Variants in STARD13 observed in about 807,000 individuals in gnomAD.
STARD13 encodes StAR related lipid transfer domain containing 13, also known as stAR-related lipid transfer protein 13.
STARD13 carries 62 observed loss-of-function variants against 106.4 expected under a neutral mutation model. The observed-to-expected ratio is 0.58, with a 90% CI of 0.48 to 0.72. The LOEUF is 0.72. Ranked by LOEUF, STARD13 falls within the 30% of genes least tolerant of loss-of-function variation. The pLI is 0.00. For missense variants in STARD13, 1,387 were observed against 1,424.0 expected, an observed-to-expected ratio of 0.97 and a Z score of 0.42; for synonymous variants, 565 against 553.0, an observed-to-expected ratio of 1.02 and a Z score of -0.31.
the STARD13 span, among the ~76,000 whole-genome samples, chr13:33,440,048 G>C: frequency 6.6e-6 from 1 of 152,160 alleles, no homozygotes; most frequent in Admixed American, 6.5e-5. Context: ...GCCTAGGTGG[G>C]AGTTCCAGGC....
At chr13:33,529,712 T>C in the STARD13 span, among the ~76,000 whole-genome samples, 1 of 152,170 alleles carries the variant, frequency 6.6e-6, no homozygotes, top group African/African-American at 2.4e-5. Context: ...GAAAAGGAAG[T>C]GTTCATAGAG....
In STARD13 at chr13:33,112,332, C is replaced by A. The variant is rs189545383; in HGVS notation, c.2492+389G>T. Among the ~76,000 whole-genome samples the A allele has an allele frequency of 3.3e-5, 5 of 152,210 alleles. No individual in the cohort carries two copies. In the South Asian group the frequency reaches 8.3e-4, roughly 25 times the overall value. ...TCAATAATTCTATGAATCTGAGCCC[C>A]GTGAATTAGGGTGTCTCACAAGATT... On this transcript the variant is annotated intron_variant, in intron 9 of 13. Coordinates refer to ENST00000336934, the MANE Select transcript of STARD13 (RefSeq NM_178006.4).
the STARD13 span, among the ~76,000 whole-genome samples, chr13:33,567,459 T>G: frequency 6.7e-6 from 1 of 148,334 alleles, no homozygotes; most frequent in African/African-American, 2.5e-5. Context: ...ATTTAGATCA[T>G]GTACAGTGAA....
chr13:33,604,050 T>A, the STARD13 span, among the ~76,000 whole-genome samples: 1 of 152,082 alleles, frequency 6.6e-6, no homozygotes, highest in Non-Finnish European at 1.5e-5. Context: ...CCAAGTAAAA[T>A]TTTGAGAAAT....
the STARD13 span, among the ~76,000 whole-genome samples, chr13:33,635,059 A>G: frequency 6.6e-6 from 1 of 152,194 alleles, no homozygotes; most frequent in Non-Finnish European, 1.5e-5. Context: ...TTTAAACCAT[A>G]TGTTAAAGAA....
chr13:33,137,027 A>T (rs1336580053), intron 4 of STARD13, among the ~76,000 whole-genome samples: 2 of 152,214 alleles, frequency 1.3e-5, no homozygotes, highest in African/African-American at 4.8e-5. Context: ...AAAATCCTGC[A>T]TCATTATTTC....
At chr13:33,509,647 T>C in the STARD13 span, among the ~76,000 whole-genome samples, 979 of 152,272 alleles carry the variant, frequency 6.4e-3, 8 homozygotes, top group African/African-American at 0.021. Context: ...ACCAGGCTGA[T>C]GGGCCATGAC....
intron 3 of STARD13, among the ~76,000 whole-genome samples, chr13:33,144,327 C>G (rs1221593353): frequency 3.3e-5 from 5 of 152,122 alleles, no homozygotes; most frequent in Non-Finnish European, 5.9e-5. Context: ...AATCTACATT[C>G]GTTGATCACC....
At chr13:33,490,676 A>G in the STARD13 span, among the ~76,000 whole-genome samples, 4 of 152,146 alleles carry the variant, frequency 2.6e-5, no homozygotes, top group Admixed American at 2.0e-4. Flanking sequence ...CTACCACTCA[A>G]TAAAACCTCA....
the STARD13 span, among the ~76,000 whole-genome samples, chr13:33,577,576 A>G: frequency 3.9e-5 from 6 of 152,186 alleles, no homozygotes; most frequent in African/African-American, 1.4e-4. Context: ...ACCCACACAT[A>G]TATAGTCAAC....
the STARD13 span, among the ~76,000 whole-genome samples, chr13:33,573,546 C>T: frequency 6.6e-6 from 1 of 152,066 alleles, no homozygotes; most frequent in Non-Finnish European, 1.5e-5. Flanking sequence ...CTTGGGTGTA[C>T]AAAAACACCT....
At chr13:33,388,856 G>T in the STARD13 span, among the ~76,000 whole-genome samples, 2 of 152,048 alleles carry the variant, frequency 1.3e-5, no homozygotes, top group Non-Finnish European at 2.9e-5. Flanking sequence ...TGTTGCTGCC[G>T]GTGCCTTGTG....
chr13:33,503,074 A>G, the STARD13 span, among the ~76,000 whole-genome samples: 1 of 152,194 alleles, frequency 6.6e-6, no homozygotes, highest in South Asian at 2.1e-4. Flanking sequence ...TTATTGGTCT[A>G]TTCAGGGATT....
the STARD13 span, among the ~76,000 whole-genome samples, chr13:33,565,867 T>G: frequency 2.0e-5 from 3 of 148,610 alleles, no homozygotes; most frequent in African/African-American, 7.4e-5. Flanking sequence ...TCACCTTCTT[T>G]GGAAAGCTTT....
intron 1 of STARD13, among the ~76,000 whole-genome samples, chr13:33,262,708 C>T (rs1890712719): frequency 7.0e-6 from 1 of 141,996 alleles, no homozygotes; most frequent in African/African-American, 2.6e-5. Flanking sequence ...TCTAGTTTTT[C>T]AGTTGTTATT....
the STARD13 span, among the ~76,000 whole-genome samples, chr13:33,403,756 G>A: frequency 6.6e-6 from 1 of 152,262 alleles, no homozygotes; most frequent in Middle Eastern, 3.4e-3. Flanking sequence ...TTGGGTGCCA[G>A]GTTATAGAAA....
intron 8 of STARD13, among the ~76,000 whole-genome samples, chr13:33,113,883 A>G (rs1390836785): frequency 2.0e-4 from 30 of 152,090 alleles, no homozygotes; most frequent in Admixed American, 2.0e-3. Flanking sequence ...TTTCATGATC[A>G]CTTTAGTCCT....
At chr13:33,663,803 C>G in the STARD13 span, among the ~76,000 whole-genome samples, 4 of 152,194 alleles carry the variant, frequency 2.6e-5, no homozygotes, top group Non-Finnish European at 5.9e-5. Flanking sequence ...TTAGGACACT[C>G]TCAGAGTTTA....
chr13:33,409,742 T>C, the STARD13 span, among the ~76,000 whole-genome samples: 1 of 152,224 alleles, frequency 6.6e-6, no homozygotes, highest in Non-Finnish European at 1.5e-5. Flanking sequence ...CCTGACCAAA[T>C]AGAGGAAAAT....
Sources: allele counts gnomAD v4.1 joint callset (sites outside exome capture counted in the v4.1 genomes callset), GRCh38; gene constraint gnomAD v4.1.1; transcripts MANE v1.5; gene names NCBI Gene and HGNC (gene_info 2026-07-23, HGNC 2026-07-21).